Variants in LIMS1 observed in about 807,000 individuals in gnomAD.
LIMS1 encodes the protein LIM zinc finger domain containing 1, also known as LIM and senescent cell antigen-like-containing domain protein 1.
A neutral mutation model predicts 44.1 loss-of-function variants in LIMS1; 18 were observed. That is an observed-to-expected ratio of 0.41 (90% CI 0.28 to 0.61). The LOEUF is 0.61. Ranked by LOEUF, LIMS1 falls within the 20% of genes least tolerant of loss-of-function variation. LIMS1 has a pLI of 0.32. For synonymous variants in LIMS1, 93 were observed against 149.1 expected, an observed-to-expected ratio of 0.62 and a Z score of 2.74; for missense variants, 201 against 422.0, an observed-to-expected ratio of 0.48 and a Z score of 4.59.
At chr2:108,594,495 A>G (rs544949777) in intron 1 of LIMS1, among the ~76,000 whole-genome samples, 18 of 152,310 alleles carry the variant, frequency 1.2e-4, no homozygotes, top group African/African-American at 3.1e-4. Flanking sequence ...CTGCAAATGA[A>G]GAAAGTTGGC....
At chr2:108,604,510 G>A (rs750832270) in intron 1 of LIMS1, among the ~76,000 whole-genome samples, 8 of 152,040 alleles carry the variant, frequency 5.3e-5, no homozygotes, top group East Asian at 1.9e-4. Context: ...AATTTTAGAC[G>A]GTTACTGCAT....
At chr2:108,674,802 T>C (rs1443155312) in intron 5 of LIMS1, among the ~76,000 whole-genome samples, 1 of 149,908 alleles carries the variant, frequency 6.7e-6, no homozygotes, top group Non-Finnish European at 1.5e-5. Flanking sequence ...GATTGAATTA[T>C]CAGTTTGTGC....
At chr2:108,575,225 G>A (rs1177351319) in intron 1 of LIMS1, among the ~76,000 whole-genome samples, 1 of 152,088 alleles carries the variant, frequency 6.6e-6, no homozygotes, top group East Asian at 1.9e-4. Flanking sequence ...GGTTGGGGAG[G>A]ATGGAGGTGG....
intron 2 of LIMS1, among the ~76,000 whole-genome samples, chr2:108,669,082 C>T (rs1691985528): frequency 1.3e-5 from 2 of 152,080 alleles, no homozygotes; most frequent in African/African-American, 4.8e-5. Flanking sequence ...CAAAAAGATA[C>T]ATTAAATATA....
chr2:108,662,761 G>A (rs1691466560), intron 2 of LIMS1: 1 of 922,728 alleles, frequency 1.1e-6, no homozygotes, highest in African/African-American at 1.8e-5. Flanking sequence ...CATGACTGAT[G>A]TGCTTCAGTC....
At chr2:108,572,376 C>G (rs1200882777) in intron 1 of LIMS1, among the ~76,000 whole-genome samples, 1 of 128,722 alleles carries the variant, frequency 7.8e-6, no homozygotes, top group Admixed American at 8.8e-5. Flanking sequence ...CTCTGGGACT[C>G]TTGCTTTTTT....
chr2:108,574,779 T>C (rs953656562), intron 1 of LIMS1, among the ~76,000 whole-genome samples: 1 of 152,228 alleles, frequency 6.6e-6, no homozygotes, highest in African/African-American at 2.4e-5. Flanking sequence ...TTGGTTTTCC[T>C]GTCCCTGATT....
chr2:108,650,413 C>CT lies in LIMS1; in HGVS notation c.33-9176dup, dbSNP rs113015874. Among the ~76,000 whole-genome samples, 293 of 145,194 alleles carry CT rather than the reference C, an allele frequency of 2.0e-3. 3 individuals are homozygous for CT. The highest frequency in any genetic ancestry group is 0.01 in the Middle Eastern group (3 of 286). On this transcript the variant is annotated intron_variant, in intron 1 of 9. Coordinates refer to ENST00000544547, the Ensembl canonical transcript of LIMS1. Reference sequence around the variant, plus strand: ...TGCCGCCTAAACTTTCTTTTCTTTTCTTTTTTTTTTTTTTTTCTTTCGAGA... The same window carrying CT: ...TGCCGCCTAAACTTTCTTTTCTTTTCTTTTTTTTTTTTTTTTTCTTTCGAGA...
intron 1 of LIMS1, among the ~76,000 whole-genome samples, chr2:108,649,391 T>G (rs1316143973): frequency 1.3e-5 from 2 of 152,192 alleles, no homozygotes; most frequent in African/African-American, 4.8e-5. Context: ...TGTATATTAG[T>G]TCAACCATTG....
intron 9 of LIMS1, among the ~76,000 whole-genome samples, chr2:108,682,567 T>C (rs1217395787): frequency 1.3e-5 from 2 of 152,188 alleles, no homozygotes; most frequent in African/African-American, 4.8e-5. Flanking sequence ...AAAACAGGAA[T>C]AATTTTTTTC....
At chr2:108,553,086 A>G (rs1684815334) in intron 1 of LIMS1, among the ~76,000 whole-genome samples, 1 of 152,216 alleles carries the variant, frequency 6.6e-6, no homozygotes, top group Non-Finnish European at 1.5e-5. Flanking sequence ...TAAAGAGAAA[A>G]GCATAAAAAG....
At chr2:108,558,890 C>A (rs534047154) in intron 1 of LIMS1, among the ~76,000 whole-genome samples, 1 of 151,850 alleles carries the variant, frequency 6.6e-6, no homozygotes, top group Non-Finnish European at 1.5e-5. Flanking sequence ...AGGCTGGTCC[C>A]AAACTCCTGA....
intron 1 of LIMS1, among the ~76,000 whole-genome samples, chr2:108,657,367 A>G (rs867317566): frequency 0.016 from 2,375 of 150,854 alleles, no homozygotes; most frequent in Non-Finnish European, 0.019. Flanking sequence ...GAGGGTTTAG[A>G]ATTAACAACA....
At chr2:108,572,870 G>A (rs1447929381) in intron 1 of LIMS1, among the ~76,000 whole-genome samples, 1 of 152,140 alleles carries the variant, frequency 6.6e-6, no homozygotes, top group Non-Finnish European at 1.5e-5. Flanking sequence ...CCACCCTTCT[G>A]TCATCCAGGT....
intron 1 of LIMS1, among the ~76,000 whole-genome samples, chr2:108,618,728 G>T (rs183965459): frequency 1.3e-5 from 2 of 151,758 alleles, no homozygotes; most frequent in East Asian, 3.9e-4. Flanking sequence ...GGGAGGCTGA[G>T]GCAGGGGAAT....
rs35864001 is a variant in LIMS1, at chr2:108,683,539, C to CAAA, written c.900-328_900-326dup. Among the ~76,000 whole-genome samples, 162 of 105,834 alleles carry CAAA rather than the reference C, an allele frequency of 1.5e-3. 1 individual carries two copies. The highest frequency in any genetic ancestry group is 5.6e-3 in the African/African-American group (145 of 25,768). The allele number at this position is 105,834 out of a possible 152,430, so 69.4% of individuals were successfully genotyped here. A position where few individuals can be genotyped will look rare whatever the true frequency, so the allele number is the denominator to read the frequency against. Reference sequence around the variant, plus strand: ...TGAGTGACAGTCGAGGCTCTGTTTCCAAAAAAAAAAAAAAAAAAAAGTGAT... The same window carrying CAAA: ...TGAGTGACAGTCGAGGCTCTGTTTCCAAAAAAAAAAAAAAAAAAAAAAAGTGAT... On this transcript the variant is annotated intron_variant, in intron 9 of 9. Coordinates refer to ENST00000544547, the Ensembl canonical transcript of LIMS1.
intron 1 of LIMS1, among the ~76,000 whole-genome samples, chr2:108,654,400 T>C (rs1206378433): frequency 3.9e-5 from 6 of 151,978 alleles, no homozygotes; most frequent in African/African-American, 1.5e-4. Flanking sequence ...TGCCCATTCA[T>C]TGAAGCTGAG....
chr2:108,561,855 G>A (rs1353340337), intron 1 of LIMS1, among the ~76,000 whole-genome samples: 1 of 150,582 alleles, frequency 6.6e-6, no homozygotes, highest in East Asian at 2.0e-4. Context: ...CAACTCTCAT[G>A]CCTCAGCCTC....
At chr2:108,558,451 C>T (rs965624908) in intron 1 of LIMS1, among the ~76,000 whole-genome samples, 14 of 151,776 alleles carry the variant, frequency 9.2e-5, no homozygotes, top group East Asian at 7.8e-4. Context: ...CCTCGTGATC[C>T]GCCTGCCTCA....
Sources: allele counts gnomAD v4.1 joint callset (sites outside exome capture counted in the v4.1 genomes callset), GRCh38; gene constraint gnomAD v4.1.1; transcripts MANE v1.5; gene names NCBI Gene and HGNC (gene_info 2026-07-23, HGNC 2026-07-21).